The following AASS variants were observed in gnomAD, a reference collection of about 807,000 sequenced individuals.
AASS encodes aminoadipate-semialdehyde synthase.
In AASS, 86 loss-of-function variants were observed where a neutral mutation model predicts 105.4. The ratio of observed to expected loss-of-function variants is 0.82; its 90% CI spans 0.69 to 0.98. AASS has a LOEUF of 0.98. AASS is among the 50% of genes least tolerant of loss of function. The pLI is 0.00. For missense variants in AASS, 1,048 were observed against 1,143.2 expected (o/e 0.92, Z 1.20); for synonymous variants, 381 against 394.8 (o/e 0.96, Z 0.41).
intron 2 of AASS, among the ~76,000 whole-genome samples, chr7:122,132,678 T>A (rs966918857): frequency 6.6e-6 from 1 of 152,140 alleles, no homozygotes; most frequent in African/African-American, 2.4e-5. Flanking sequence ...ATGCCAAACA[T>A]TTTTGGCATG....
intron 4 of AASS, among the ~76,000 whole-genome samples, chr7:122,121,312 T>C (rs1240785456): frequency 1.3e-5 from 2 of 152,222 alleles, no homozygotes; most frequent in South Asian, 2.1e-4. Context: ...TCCATCATTA[T>C]TGGTGACATA....
At chr7:122,100,491 C>T (rs1794376589) in intron 13 of AASS, among the ~76,000 whole-genome samples, 1 of 151,812 alleles carries the variant, frequency 6.6e-6, no homozygotes, top group Non-Finnish European at 1.5e-5. Flanking sequence ...ATCAAACCAG[C>T]ACATATGGAA....
chr7:122,102,168 T>C (rs1204857434), intron 11 of AASS, among the ~76,000 whole-genome samples: 1 of 151,890 alleles, frequency 6.6e-6, no homozygotes, highest in Non-Finnish European at 1.5e-5. Flanking sequence ...GTTATATGTA[T>C]AGGTACATCA....
In AASS at chr7:122,075,757, T is replaced by C. The variant is rs1487454546; in HGVS notation, c.*732A>G. ...CATGTCCAAACACTCAAGAGAAAAC[T>C]ATAAGGAACTATATTTACAAAATAA... On this transcript the variant is annotated 3_prime_UTR_variant, in exon 24 of 24. Transcript: ENST00000417368. 2.0e-5 allele frequency: 3 copies of C among 152,144 alleles called. No individual in the cohort carries two copies. The highest frequency in any genetic ancestry group is 2.9e-5 in the Non-Finnish European group (2 of 68,006). The allele number at this position is 152,144 out of a possible 1,614,324, so 9.4% of individuals were successfully genotyped here.
chr7:122,135,779 C>A (rs751005864), intron 1 of AASS, among the ~76,000 whole-genome samples: 1 of 151,962 alleles, frequency 6.6e-6, no homozygotes, highest in African/African-American at 2.4e-5. Context: ...GCGTAGAATA[C>A]GGTGGAAATA....
intron 20 of AASS, among the ~76,000 whole-genome samples, chr7:122,080,690 C>T (rs564187535): frequency 1.5e-4 from 23 of 152,332 alleles, no homozygotes; most frequent in African/African-American, 5.5e-4. Context: ...GGTTATTATA[C>T]ATTGCATGCC....
rs566218221 is a variant in AASS at position 122,076,151 on chromosome 7, G to A, written c.*338C>T. On this transcript the variant is annotated 3_prime_UTR_variant, in exon 24 of 24. Coordinates refer to ENST00000417368, the MANE Select transcript of AASS (RefSeq NM_005763.4). ...ATCGCGCCACTGCACTCCAGCCTGG[G>A]TGACAGAGCGAGACTCCATCTCAAA... The A allele has an allele frequency of 4.4e-5, 12 of 273,722 alleles. No homozygotes were observed. In the South Asian group the frequency reaches 4.4e-4, roughly 10 times the overall value. The allele number at this position is 273,722 out of a possible 1,614,324, so 17.0% of individuals were successfully genotyped here.
intron 19 of AASS, among the ~76,000 whole-genome samples, chr7:122,085,037 C>A (rs544432727): frequency 1.3e-5 from 2 of 152,112 alleles, no homozygotes; most frequent in African/African-American, 4.8e-5. Context: ...TAATTAAGGA[C>A]CTCAATATGA....
chr7:122,123,608 T>C (rs1186969986), intron 4 of AASS, among the ~76,000 whole-genome samples: 4 of 152,222 alleles, frequency 2.6e-5, no homozygotes, highest in African/African-American at 7.2e-5. Context: ...GCAGAAATAA[T>C]ATGTTCAGAT....
At chr7:122,102,682 A>C (rs1278450152) in intron 11 of AASS, among the ~76,000 whole-genome samples, 1 of 152,068 alleles carries the variant, frequency 6.6e-6, no homozygotes, top group East Asian at 1.9e-4. Context: ...TGAAACCTAG[A>C]TTTAAATTAC....
chr7:122,086,923 A>C (rs1352440163), intron 18 of AASS, among the ~76,000 whole-genome samples: 2 of 152,190 alleles, frequency 1.3e-5, no homozygotes, highest in African/African-American at 4.8e-5. Context: ...AAATGCAATG[A>C]AGGATTTCTT....
At chr7:122,095,006 A>G (rs1794081670) in intron 15 of AASS, among the ~76,000 whole-genome samples, 1 of 152,074 alleles carries the variant, frequency 6.6e-6, no homozygotes, top group African/African-American at 2.4e-5. Flanking sequence ...AAATTTCTAA[A>G]GAGTTATTTT....
chr7:122,133,489 C>T, intron 2 of AASS, 28 bp downstream of exon 2: 4 of 1,610,244 alleles, frequency 2.5e-6, no homozygotes, highest in Non-Finnish European at 3.4e-6. Context: ...TCATTTTATT[C>T]TCACATAAAA....
chr7:122,107,033 A>G (rs1328746560), intron 11 of AASS, among the ~76,000 whole-genome samples: 1 of 152,134 alleles, frequency 6.6e-6, no homozygotes, highest in Non-Finnish European at 1.5e-5. Flanking sequence ...AAAAACTTAA[A>G]TTTACAAGAA....
rs139682188 is a variant in AASS at position 122,098,836 on chromosome 7, G to A, written c.1437C>T (p.Thr479=). 3.7e-5 allele frequency: 59 copies of A among 1,591,530 alleles called. No homozygotes were observed. Among genetic ancestry groups the A allele is most frequent in the Non-Finnish European group, 4.4e-5 (52 of 1,171,438 alleles). ...RERAQSLSMG[T]RRKVLVLGSG... ...ATCCAAGAACCAAAACCTTTCTCCT[G>A]GTGCCCATTGAAAGTGACTGAGCAC... Residue 479 remains threonine (T), a synonymous_variant, in exon 14 of 24, where the codon ACC becomes ACT. Transcript: ENST00000417368.
At chr7:122,085,405 T>C (rs1793572785) in intron 19 of AASS, among the ~76,000 whole-genome samples, 1 of 152,146 alleles carries the variant, frequency 6.6e-6, no homozygotes, top group African/African-American at 2.4e-5. Flanking sequence ...TCCTAGAATG[T>C]ACTCCCCATT....
Position 122,098,533 on chromosome 7 carries a change from A to G in AASS, c.1572T>C (p.Tyr524=). Reference sequence around the variant, plus strand: ...TGTCCATGCTAACAGGATTAATATTATATTTCTTGCCTAACTGTTCAATTT... The same window carrying G: ...TGTCCATGCTAACAGGATTAATATTGTATTTCTTGCCTAACTGTTCAATTT... ...KNQIEQLGKK[Y]NINPVSMDIC... Residue 524 remains tyrosine, a synonymous_variant, in exon 15 of 24, where the codon TAT becomes TAC. Transcript: ENST00000417368. 15 of 1,611,000 alleles carry G rather than the reference A, an allele frequency of 9.3e-6. No homozygotes were observed. The highest frequency in any genetic ancestry group is 1.3e-5 in the Non-Finnish European group (15 of 1,177,932).
intron 22 of AASS, among the ~76,000 whole-genome samples, chr7:122,078,377 G>A (rs1015123472): frequency 3.3e-5 from 5 of 152,082 alleles, no homozygotes; most frequent in Admixed American, 6.5e-5. Context: ...ACTTTGGGAG[G>A]CTAAGGTGGG....
At chr7:122,083,457 C>T (rs763445983) in intron 19 of AASS, among the ~76,000 whole-genome samples, 1 of 151,958 alleles carries the variant, frequency 6.6e-6, no homozygotes, top group African/African-American at 2.4e-5. Context: ...ATTTAGCAAA[C>T]TGCTGCCATA....
Sources: allele counts gnomAD v4.1 joint callset (sites outside exome capture counted in the v4.1 genomes callset), GRCh38; gene constraint gnomAD v4.1.1; transcripts MANE v1.5; gene names NCBI Gene and HGNC (gene_info 2026-07-23, HGNC 2026-07-21).